KIAA1549L: variants seen among roughly 807,000 people sequenced by gnomAD.
The protein encoded by KIAA1549L is KIAA1549 like.
Under a neutral mutation model 160.7 loss-of-function variants are expected in KIAA1549L, and 88 were observed. The observed-to-expected ratio is 0.55, with a 90% CI of 0.46 to 0.65. The LOEUF is 0.65. Among genes scored for constraint, KIAA1549L ranks in the 30% least tolerant of loss-of-function variants. The pLI, the probability that KIAA1549L is intolerant of heterozygous loss-of-function variation, is 0.00. For synonymous variants in KIAA1549L, 950 were observed against 976.7 expected (o/e 0.97, Z 0.51); for missense variants, 2,258 against 2,437.5 (o/e 0.93, Z 1.55).
chr11:33,447,623 G>GCACACACACACACACA (rs56839961), intron 1 of KIAA1549L, among the ~76,000 whole-genome samples: 24 of 147,358 alleles, frequency 1.6e-4, no homozygotes, highest in African/African-American at 3.8e-4. Context: ...ACATGAACTT[G>GCACACACACACACACA]CACACACACA....
Position 33,673,443 on chromosome 11 carries a change from A to G in KIAA1549L, c.*5289A>G, listed in dbSNP as rs941377042. The G allele has an allele frequency of 3.9e-5, 6 of 152,202 alleles. No individual in the cohort carries two copies. The highest frequency in any genetic ancestry group is 4.8e-5 in the African/African-American group (2 of 41,442). 9.4% of individuals were successfully genotyped at this position (152,202 alleles called of 1,614,324 possible). A position where few individuals can be genotyped will look rare whatever the true frequency, so the allele number is the denominator to read the frequency against. The stretch of plus-strand genomic sequence containing the variant: ...ACACACAAACTGAGAAAAGATTTGT[A>G]TCAAACAGAATCAGAGGCATATGAA... On this transcript the variant is annotated 3_prime_UTR_variant, in exon 21 of 21. Coordinates refer to ENST00000658780, the MANE Select transcript of KIAA1549L (RefSeq NM_012194.3).
rs1457212490 is a variant in KIAA1549L at position 33,551,378 on chromosome 11, C to A, written c.3721+119C>A. The stretch of plus-strand genomic sequence containing the variant: ...TGTGTCATTTTTTAGTCCCTGTGAA[C>A]CTTCTTCAAAGGGTCCTGCTAATCA... On this transcript the variant is annotated intron_variant, in intron 5 of 20. Coordinates refer to ENST00000658780, the MANE Select transcript of KIAA1549L (RefSeq NM_012194.3). 1.2e-5 allele frequency: 10 copies of A among 821,796 alleles called. No homozygotes were observed. The East Asian group carries it at 1.3e-4, about 11-fold the overall frequency. The allele number at this position is 821,796 out of a possible 1,614,324, so 50.9% of individuals were successfully genotyped here.
At chr11:33,439,771 G>A (rs1851458219) in intron 1 of KIAA1549L, among the ~76,000 whole-genome samples, 1 of 151,924 alleles carries the variant, frequency 6.6e-6, no homozygotes, top group African/African-American at 2.4e-5. Context: ...ATCTATAATA[G>A]TTTTGACCTC....
At chr11:33,517,198 C>T (rs1204805141) in intron 1 of KIAA1549L, among the ~76,000 whole-genome samples, 4 of 152,170 alleles carry the variant, frequency 2.6e-5, no homozygotes, top group African/African-American at 9.7e-5. Flanking sequence ...AATTCACCTT[C>T]TGGAGTTCAT....
intron 19 of KIAA1549L, among the ~76,000 whole-genome samples, chr11:33,659,401 G>C (rs10836095): frequency 6.6e-6 from 1 of 151,910 alleles, no homozygotes; most frequent in Non-Finnish European, 1.5e-5. Flanking sequence ...ATTTCTCCAG[G>C]TTGCTATACA....
At chr11:33,385,763 G>A (rs1473050770) in intron 1 of KIAA1549L, among the ~76,000 whole-genome samples, 4 of 149,882 alleles carry the variant, frequency 2.7e-5, no homozygotes, top group African/African-American at 7.4e-5. Context: ...TTTTTAATCC[G>A]TGAACATATC....
rs3038997 is a variant in KIAA1549L, at chr11:33,464,474, A to ATGTGTGTGTGTG, written c.239-77301_239-77290dup. 1.3e-3 allele frequency among the ~76,000 whole-genome samples: 182 copies of ATGTGTGTGTGTG among 140,186 alleles called. 3 individuals are homozygous for ATGTGTGTGTGTG. The highest frequency in any genetic ancestry group is 5.8e-3 in the East Asian group (27 of 4,658). The allele number at this position is 140,186 out of a possible 152,430, so 92.0% of individuals were successfully genotyped here. ...CAAATGCCTGCAGAGCTGTGTGTGC[A>ATGTGTGTGTGTG]TGTGTGTGTGTGTGTGTGTGTGTGT... On this transcript the variant is annotated intron_variant, in intron 1 of 20. Transcript: ENST00000658780.
intron 1 of KIAA1549L, among the ~76,000 whole-genome samples, chr11:33,486,514 A>G (rs566616982): frequency 6.6e-6 from 1 of 152,332 alleles, no homozygotes; most frequent in Non-Finnish European, 1.5e-5. Flanking sequence ...TTAACTACTT[A>G]ATGCATATAC....
chr11:33,588,962 C>T (rs1001342353), intron 11 of KIAA1549L, among the ~76,000 whole-genome samples: 1 of 152,188 alleles, frequency 6.6e-6, no homozygotes, highest in Non-Finnish European at 1.5e-5. Context: ...TTCTGAGACA[C>T]AGTGGTGAGA....
At chr11:33,463,394 G>GA (rs935441999) in intron 1 of KIAA1549L, among the ~76,000 whole-genome samples, 66 of 146,436 alleles carry the variant, frequency 4.5e-4, no homozygotes, top group Non-Finnish European at 6.5e-4. Flanking sequence ...TAAATGAATT[G>GA]AAAAAAAAAA....
chr11:33,491,636 C>CT (rs1468711141), intron 1 of KIAA1549L, among the ~76,000 whole-genome samples: 2 of 152,162 alleles, frequency 1.3e-5, no homozygotes, highest in African/African-American at 4.8e-5. Flanking sequence ...CAACAAATCC[C>CT]TTTTTAAGTT....
intron 11 of KIAA1549L, among the ~76,000 whole-genome samples, chr11:33,589,983 C>A (rs1381005115): frequency 6.6e-6 from 1 of 152,120 alleles, no homozygotes; most frequent in Non-Finnish European, 1.5e-5. Context: ...GCTTGAATTT[C>A]ATCTGCAGAT....
Position 33,501,707 on chromosome 11 carries a change from A to G in KIAA1549L, c.239-40095A>G, listed in dbSNP as rs2133088051. Among the ~76,000 whole-genome samples, 2 of 151,730 alleles carry G rather than the reference A, an allele frequency of 1.3e-5. 1 individual carries two copies. Among genetic ancestry groups the G allele is most frequent in the South Asian group, 4.2e-4 (2 of 4,780 alleles). The stretch of plus-strand genomic sequence containing the variant: ...TATGTGGAGAATAGTGTAGATGGTT[A>G]ATAATAATAATAATAACTAATATTT... On this transcript the variant is annotated intron_variant, in intron 1 of 20. Coordinates refer to ENST00000658780, the MANE Select transcript of KIAA1549L (RefSeq NM_012194.3).
In KIAA1549L at chr11:33,545,306, G is replaced by A; in HGVS notation, c.3313G>A (p.Ala1105Thr). 1 of 1,613,800 alleles carries A rather than the reference G, an allele frequency of 6.2e-7. No individual in the cohort carries two copies. Among genetic ancestry groups the A allele is most frequent in the Non-Finnish European group, 8.5e-7 (1 of 1,179,844 alleles). Residue 1105 changes from alanine (A) to threonine (T), a missense_variant, in exon 3 of 21, where the codon GCA (alanine) becomes ACA (threonine). Around this residue, in one of 6 missense-constraint regions of KIAA1549L, gnomAD observed 1,359 missense variants for 1,546.6 expected, o/e 0.88. Transcript: ENST00000658780. Reference protein sequence around the residue: ...TDAVLPAASAAVVTTGKMASN... With the variant: ...TDAVLPAASATVVTTGKMASN... ...TGCTGTCCTTCCTGCTGCATCGGCTGCAGTGGTCACGACTGGCAAAATGGC... is the reference window on the plus strand; with the variant it reads ...TGCTGTCCTTCCTGCTGCATCGGCTACAGTGGTCACGACTGGCAAAATGGC...
Position 33,669,992 on chromosome 11 carries a change from CA to C in KIAA1549L, c.*1842del, listed in dbSNP as rs748386697. ...CTATCAATGGCCAGTTGTTGTAGTC[CA>C]AAACCTAAATCAGTTTGCAAAACAC... On this transcript the variant is annotated 3_prime_UTR_variant, in exon 21 of 21. Coordinates refer to ENST00000658780, the MANE Select transcript of KIAA1549L (RefSeq NM_012194.3). 6.6e-6 allele frequency: 1 copy of C among 152,142 alleles called. No homozygotes were observed. The highest frequency in any genetic ancestry group is 1.5e-5 in the Non-Finnish European group (1 of 68,030). The allele number at this position is 152,142 out of a possible 1,614,324, so 9.4% of individuals were successfully genotyped here. A position where few individuals can be genotyped will look rare whatever the true frequency, so the allele number is the denominator to read the frequency against.
intron 4 of KIAA1549L, among the ~76,000 whole-genome samples, chr11:33,549,983 T>C (rs1234562856): frequency 6.7e-6 from 1 of 148,814 alleles, no homozygotes; most frequent in Non-Finnish European, 1.5e-5. Context: ...CCAGTCTGGG[T>C]GACAGAGCAA....
intron 4 of KIAA1549L, among the ~76,000 whole-genome samples, chr11:33,550,019 A>C (rs1263708660): frequency 6.8e-6 from 1 of 147,440 alleles, no homozygotes; most frequent in Non-Finnish European, 1.5e-5. Context: ...ACAAAAAACA[A>C]AAAAAACAAA....
intron 1 of KIAA1549L, among the ~76,000 whole-genome samples, chr11:33,404,135 G>C (rs537112226): frequency 6.6e-6 from 1 of 152,200 alleles, no homozygotes; most frequent in Non-Finnish European, 1.5e-5. Flanking sequence ...CTCAGGGAGG[G>C]TGGAATGGAT....
chr11:33,609,788 T>C lies in KIAA1549L; in HGVS notation c.5101T>C (p.Tyr1701His), dbSNP rs558846278. The C allele has an allele frequency of 4.3e-6, 7 of 1,612,732 alleles. No individual in the cohort carries two copies. The highest frequency in any genetic ancestry group is 5.9e-6 in the Non-Finnish European group (7 of 1,179,362). The change falls in exon 15 of 21, where the codon TAT becomes CAT. Residue 1701 changes from tyrosine to histidine, a missense_variant. Around this residue, in one of 6 missense-constraint regions of KIAA1549L, gnomAD observed 1,359 missense variants for 1,546.6 expected, o/e 0.88. Coordinates refer to ENST00000658780, the MANE Select transcript of KIAA1549L (RefSeq NM_012194.3). Reference sequence around the variant, plus strand: ...GAAGCAGAAGTCAGACATCGAGCACTATCGGAACAAGCTGCGCCTCAAAGC... The same window carrying C: ...GAAGCAGAAGTCAGACATCGAGCACCATCGGAACAAGCTGCGCCTCAAAGC... ...ALKQKSDIEH[Y>H]RNKLRLKAKR...
Sources: allele counts gnomAD v4.1 joint callset (sites outside exome capture counted in the v4.1 genomes callset), GRCh38; gene constraint gnomAD v4.1.1; regional missense constraint gnomAD v4.1.1; transcripts MANE v1.5; gene names NCBI Gene and HGNC (gene_info 2026-07-23, HGNC 2026-07-21).